Variants in MORC3 observed in about 807,000 individuals in gnomAD.
The protein encoded by MORC3 is MORC family CW-type zinc finger 3.
In MORC3, 31 loss-of-function variants were observed where a neutral mutation model predicts 109.1. That is an observed-to-expected ratio of 0.28 (90% CI 0.21 to 0.38). The LOEUF (loss-of-function observed/expected upper bound fraction) is 0.38. MORC3 is among the 10% of genes least tolerant of loss of function. The probability of loss-of-function intolerance (pLI) is 1.00; values close to 1 mark genes in which losing one functional copy is unlikely to be tolerated. For missense variants in MORC3, 867 were observed against 1,135.8 expected (o/e 0.76, Z 3.40); for synonymous variants, 395 against 380.7 (o/e 1.04, Z -0.44).
intron 1 of MORC3, among the ~76,000 whole-genome samples, chr21:36,322,827 T>C (rs896710442): frequency 2.6e-5 from 4 of 152,180 alleles, no homozygotes; most frequent in Admixed American, 1.3e-4. Context: ...ATTTTTTTTT[T>C]CAGAAATGCT....
chr21:36,332,466 GA>G (rs1046797689), intron 1 of MORC3, among the ~76,000 whole-genome samples: 1 of 152,096 alleles, frequency 6.6e-6, no homozygotes, highest in Non-Finnish European at 1.5e-5. Context: ...TTCAGAACCG[GA>G]ACAGGTTCTA....
intron 8 of MORC3, among the ~76,000 whole-genome samples, chr21:36,346,053 C>G (rs2085504021): frequency 6.6e-6 from 1 of 152,064 alleles, no homozygotes; most frequent in Non-Finnish European, 1.5e-5. Context: ...TGGAGTCTCA[C>G]TCTGTCACCC....
intron 2 of MORC3, 71 bp from the exon 3 acceptor site, chr21:36,336,803 C>T (rs923870974): frequency 3.6e-6 from 5 of 1,397,780 alleles, no homozygotes; most frequent in Admixed American, 5.1e-5. Flanking sequence ...TTGCTTCTTA[C>T]AGGATTGTTC....
At chr21:36,368,964 T>G (rs1175380173) in intron 14 of MORC3, 24 bp from the exon 15 acceptor site, 1 of 1,542,222 alleles carries the variant, frequency 6.5e-7, no homozygotes, top group Non-Finnish European at 8.8e-7. Context: ...TAATCTTATG[T>G]TTTATGTATA....
chr21:36,344,912 T>C lies in MORC3; in HGVS notation c.886T>C (p.Ser296Pro), dbSNP rs2085491182. The change falls in exon 8 of 17, where the codon TCT becomes CCT. Residue 296 changes from serine (S) to proline (P), a missense_variant and splice_region_variant. Around this residue, in one of 7 missense-constraint regions of MORC3, gnomAD observed 120 missense variants for 259.7 expected, o/e 0.46. Transcript: ENST00000400485. ...TCAAAATTTACCTTAATATTTTAAG[T>C]CTAAAACAGTGAGAATTACCTTTGG... ...ERDVYRPKFLSKTVRITFGFN... is the reference protein window; with the variant it reads ...ERDVYRPKFLPKTVRITFGFN... 1.2e-6 allele frequency: 2 copies of C among 1,610,112 alleles called. No individual in the cohort carries two copies.
rs770990800 is a variant in MORC3 at position 36,344,904 on chromosome 21, A to G, written c.886-8A>G. ...TGTTGTGTTCAAAATTTACCTTAATATTTTAAGTCTAAAACAGTGAGAATT... is the reference window on the plus strand; with the variant it reads ...TGTTGTGTTCAAAATTTACCTTAATGTTTTAAGTCTAAAACAGTGAGAATT... On this transcript the variant is annotated splice_region_variant and splice_polypyrimidine_tract_variant and intron_variant, in intron 7 of 16. Transcript: ENST00000400485. 4 of 1,609,466 alleles carry G rather than the reference A, an allele frequency of 2.5e-6. No homozygotes were observed. The highest frequency in any genetic ancestry group is 3.4e-6 in the Non-Finnish European group (4 of 1,178,918).
chr21:36,357,010 G>C (rs2085652685), intron 10 of MORC3, among the ~76,000 whole-genome samples: 1 of 152,210 alleles, frequency 6.6e-6, no homozygotes, highest in Non-Finnish European at 1.5e-5. Flanking sequence ...CACTGGTATA[G>C]TGTATCATTA....
intron 1 of MORC3, among the ~76,000 whole-genome samples, chr21:36,322,415 A>G (rs1223430692): frequency 6.6e-6 from 1 of 152,184 alleles, no homozygotes; most frequent in African/African-American, 2.4e-5. Context: ...CTCAGTCTCC[A>G]GGCTGGAGTG....
At chr21:36,323,659 T>A (rs2085216849) in intron 1 of MORC3, among the ~76,000 whole-genome samples, 1 of 152,248 alleles carries the variant, frequency 6.6e-6, no homozygotes. Context: ...GGATTGGAAA[T>A]TCTTTCCGAA....
At chr21:36,357,242 T>A (rs769789172) in intron 10 of MORC3, among the ~76,000 whole-genome samples, 95 of 152,216 alleles carry the variant, frequency 6.2e-4, no homozygotes, top group Non-Finnish European at 2.1e-4. Flanking sequence ...AATGAATGAA[T>A]GAACAATATC....
intron 15 of MORC3, among the ~76,000 whole-genome samples, chr21:36,370,561 G>T (rs1223499936): frequency 7.0e-6 from 1 of 142,500 alleles, no homozygotes; most frequent in African/African-American, 2.6e-5. Flanking sequence ...CAAGATTCCT[G>T]AGAGAAACTG....
intron 14 of MORC3, among the ~76,000 whole-genome samples, chr21:36,367,622 A>G (rs1366322266): frequency 6.6e-6 from 1 of 152,230 alleles, no homozygotes; most frequent in Non-Finnish European, 1.5e-5. Context: ...TGGTGTAGCA[A>G]ACATAGCTGC....
Position 36,375,359 on chromosome 21 carries a change from T to C in MORC3, c.*63T>C, listed in dbSNP as rs2085918517. 1.4e-6 allele frequency: 2 copies of C among 1,424,562 alleles called. No homozygotes were observed. The highest frequency in any genetic ancestry group is 4.7e-5 in the East Asian group (2 of 42,824). 88.2% of individuals were successfully genotyped at this position (1,424,562 alleles called of 1,614,324 possible). On this transcript the variant is annotated 3_prime_UTR_variant, in exon 17 of 17. Coordinates refer to ENST00000400485, the MANE Select transcript of MORC3 (RefSeq NM_015358.3). Reference sequence around the variant, plus strand: ...TTTTGGTTGTACAGCTTTCAAAATATAATTAATTTTGTTTTATAGATATGA... The same window carrying C: ...TTTTGGTTGTACAGCTTTCAAAATACAATTAATTTTGTTTTATAGATATGA...
At chr21:36,334,383 A>G (rs768466041) in intron 2 of MORC3, among the ~76,000 whole-genome samples, 1 of 152,136 alleles carries the variant, frequency 6.6e-6, no homozygotes, top group Non-Finnish European at 1.5e-5. Context: ...AGTGTTTAGG[A>G]TTTACTTTGC....
At chr21:36,321,895 G>C (rs1266004112) in intron 1 of MORC3, among the ~76,000 whole-genome samples, 1 of 152,210 alleles carries the variant, frequency 6.6e-6, no homozygotes, top group East Asian at 1.9e-4. Flanking sequence ...GAGAAAGGAA[G>C]CAGAGATAAT....
chr21:36,367,715 G>T (rs1343329726), intron 14 of MORC3, among the ~76,000 whole-genome samples: 1 of 152,132 alleles, frequency 6.6e-6, no homozygotes, highest in Non-Finnish European at 1.5e-5. Flanking sequence ...GCCACTCAAA[G>T]ACATAGGATC....
intron 2 of MORC3, among the ~76,000 whole-genome samples, chr21:36,334,207 A>T (rs911979912): frequency 1.3e-5 from 2 of 152,148 alleles, no homozygotes; most frequent in Middle Eastern, 3.4e-3. Context: ...ATGAGCCGTG[A>T]TTGTGCCATT....
At chr21:36,329,509 C>G (rs1432209935) in intron 1 of MORC3, among the ~76,000 whole-genome samples, 1 of 152,058 alleles carries the variant, frequency 6.6e-6, no homozygotes, top group Non-Finnish European at 1.5e-5. Context: ...GTCAGAAGTA[C>G]AGGAGACTAA....
intron 7 of MORC3, 49 bp from the exon 8 acceptor site, chr21:36,344,863 T>G (rs781636785): frequency 6.2e-7 from 1 of 1,606,914 alleles, no homozygotes; most frequent in Non-Finnish European, 8.5e-7. Flanking sequence ...GAAAGGATGA[T>G]TTGAACTGAG....
Sources: allele counts gnomAD v4.1 joint callset (sites outside exome capture counted in the v4.1 genomes callset), GRCh38; gene constraint gnomAD v4.1.1; regional missense constraint gnomAD v4.1.1; transcripts MANE v1.5; gene names NCBI Gene and HGNC (gene_info 2026-07-23, HGNC 2026-07-21).